FERMT1: variants seen among roughly 807,000 people sequenced by gnomAD.
FERMT1 encodes the protein FERM domain containing kindlin 1.
A neutral mutation model predicts 85.3 loss-of-function variants in FERMT1; 60 were observed. The observed-to-expected ratio is 0.70, with a 90% confidence interval of 0.57 to 0.87. The LOEUF is 0.87. Among genes scored for constraint, FERMT1 ranks in the 40% least tolerant of loss-of-function variants. The probability of loss-of-function intolerance (pLI) is 0.00; values close to 1 mark genes in which losing one functional copy is unlikely to be tolerated. For missense variants in FERMT1, 701 were observed against 818.9 expected, an observed-to-expected ratio of 0.86 and a Z score of 1.76; for synonymous variants, 275 against 301.1, an observed-to-expected ratio of 0.91 and a Z score of 0.90.
intron 3 of FERMT1, among the ~76,000 whole-genome samples, chr20:6,113,125 C>T (rs1983005134): frequency 6.6e-6 from 1 of 152,144 alleles, no homozygotes; most frequent in Non-Finnish European, 1.5e-5. Context: ...GTGCTGTTCT[C>T]ATGATAGTGA....
At position 6,115,690 on chromosome 20, in the gene FERMT1, G is replaced by T. The variant is rs11696536; in HGVS notation, c.385+121C>A. ...GCAATACCCAGAAGGGCTTAAACATGTGCTTCCTAATAGGTGAGTGTTCTG... is the reference window on the plus strand; with the variant it reads ...GCAATACCCAGAAGGGCTTAAACATTTGCTTCCTAATAGGTGAGTGTTCTG... On this transcript the variant is annotated intron_variant, in intron 3 of 14. Transcript: ENST00000217289. 73,334 of 790,768 alleles carry T rather than the reference G, an allele frequency of 0.093. 3,610 individuals are homozygous for T. The highest frequency in any genetic ancestry group is 0.14 in the African/African-American group (8,289 of 58,864). 49.0% of individuals were successfully genotyped at this position (790,768 alleles called of 1,614,324 possible). A position where few individuals can be genotyped will look rare whatever the true frequency, so the allele number is the denominator to read the frequency against.
At chr20:6,086,137 T>A (rs1313917966) in intron 11 of FERMT1, among the ~76,000 whole-genome samples, 1 of 144,102 alleles carries the variant, frequency 6.9e-6, no homozygotes, top group Non-Finnish European at 1.5e-5. Context: ...CGAGACTCCA[T>A]CTCAAAAAAA....
At chr20:6,119,674 G>A (rs917631226) in intron 1 of FERMT1, 102 bp from the exon 2 acceptor site, 51 of 928,326 alleles carry the variant, frequency 5.5e-5, no homozygotes, top group Non-Finnish European at 8.3e-5. Context: ...GTTTTTCATT[G>A]TAACCTCCTC....
chr20:6,077,259 A>G lies in FERMT1; in HGVS notation c.1948T>C (p.Tyr650His). The change falls in exon 15 of 15, where the codon TAC (tyrosine) becomes CAC (histidine). Residue 650 changes from tyrosine (Y) to histidine (H), a missense_variant. Tyr to His is a moderately conservative substitution (Grantham distance 83). Coordinates refer to ENST00000217289, the MANE Select transcript of FERMT1 (RefSeq NM_017671.5). The part of the protein sequence containing the change: ...CKIVHEYIGG[Y>H]IFLSTRSKDQ... Reference sequence around the variant, plus strand: ...TTGGAGCGGGTGGACAAGAAAATGTAGCCGCCAATGTACTCGTGCACAATC... The same window carrying G: ...TTGGAGCGGGTGGACAAGAAAATGTGGCCGCCAATGTACTCGTGCACAATC... 1 of 1,614,204 alleles carries G rather than the reference A, an allele frequency of 6.2e-7. No homozygotes were observed. Among genetic ancestry groups the G allele is most frequent in the Non-Finnish European group, 8.5e-7 (1 of 1,180,036 alleles).
rs1414049331 is a variant in FERMT1 at position 6,076,232 on chromosome 20, T to C, written c.*941A>G. 4 of 318,120 alleles carry C rather than the reference T, an allele frequency of 1.3e-5. No individual in the cohort carries two copies. The highest frequency in any genetic ancestry group is 6.2e-6 in the Non-Finnish European group (1 of 160,416). 19.7% of individuals were successfully genotyped at this position (318,120 alleles called of 1,614,324 possible). A position where few individuals can be genotyped will look rare whatever the true frequency, so the allele number is the denominator to read the frequency against. ...GTCAGACCTTGGACATGGTGGTCTT[T>C]GAGAATGGGTCTGCCCTTCTCTCCC... On this transcript the variant is annotated 3_prime_UTR_variant, in exon 15 of 15. Coordinates refer to ENST00000217289, the MANE Select transcript of FERMT1 (RefSeq NM_017671.5).
intron 8 of FERMT1, 102 bp downstream of exon 8, chr20:6,096,800 T>TTTAAAA: frequency 2.9e-6 from 3 of 1,027,304 alleles, no homozygotes; most frequent in South Asian, 2.8e-5. Flanking sequence ...TTTTTTTTTT[T>TTTAAAA]TCAAAATCAG....
chr20:6,118,589 A>G (rs1381387320), intron 2 of FERMT1, among the ~76,000 whole-genome samples: 3 of 152,250 alleles, frequency 2.0e-5, no homozygotes, highest in African/African-American at 7.2e-5. Flanking sequence ...AGAGCAAATG[A>G]AAAGCCCGCA....
intron 2 of FERMT1, among the ~76,000 whole-genome samples, chr20:6,118,024 C>T (rs1300769252): frequency 7.4e-6 from 1 of 135,004 alleles, no homozygotes; most frequent in Non-Finnish European, 1.6e-5. Flanking sequence ...TTTGGAAAAC[C>T]TTATGAATCA....
At position 6,075,170 on chromosome 20, in the gene FERMT1, T is replaced by G. The variant is rs1371136386; in HGVS notation, c.*2003A>C. On this transcript the variant is annotated 3_prime_UTR_variant, in exon 15 of 15. Coordinates refer to ENST00000217289, the MANE Select transcript of FERMT1 (RefSeq NM_017671.5). ...TTGGTTAAAACAAAGTTGGTTCCTT[T>G]GTTTTCATGGAAATGTCAGACAACT... The G allele has an allele frequency of 2.6e-5, 4 of 152,260 alleles. No individual in the cohort carries two copies. The highest frequency in any genetic ancestry group is 4.8e-5 in the African/African-American group (2 of 41,430). 9.4% of individuals were successfully genotyped at this position (152,260 alleles called of 1,614,324 possible). A position where few individuals can be genotyped will look rare whatever the true frequency, so the allele number is the denominator to read the frequency against.
At position 6,075,045 on chromosome 20, in the gene FERMT1, G is replaced by GT. The variant is rs139990090; in HGVS notation, c.*2127dup. 1.3e-3 allele frequency: 179 copies of GT among 133,236 alleles called. 4 individuals carry two copies. The highest frequency in any genetic ancestry group is 7.7e-3 in the East Asian group (37 of 4,794). The allele number at this position is 133,236 out of a possible 1,614,324, so 8.3% of individuals were successfully genotyped here. A position where few individuals can be genotyped will look rare whatever the true frequency, so the allele number is the denominator to read the frequency against. On this transcript the variant is annotated 3_prime_UTR_variant, in exon 15 of 15. Transcript: ENST00000217289. ...TGCTCTTTGGAACAGTAGCATTTAGGTTTGTTTTTTTTTTTTTTTGTCACA... is the reference window on the plus strand; with the variant it reads ...TGCTCTTTGGAACAGTAGCATTTAGGTTTTGTTTTTTTTTTTTTTTGTCACA...
chr20:6,112,962 C>CT, intron 3 of FERMT1, among the ~76,000 whole-genome samples: 1 of 152,338 alleles, frequency 6.6e-6, no homozygotes, highest in African/African-American at 2.4e-5. Context: ...TTATGCTATT[C>CT]TTGTTACCTA....
chr20:6,097,469 G>T, intron 7 of FERMT1, 55 bp downstream of exon 7: 1 of 1,252,840 alleles, frequency 8.0e-7, no homozygotes, highest in Non-Finnish European at 1.2e-6. Flanking sequence ...GAAACTTCAA[G>T]CAGAACAAAC....
Position 6,085,159 on chromosome 20 carries a change from A to C in FERMT1, c.1500T>G (p.Ser500=). The C allele has an allele frequency of 6.2e-7, 1 of 1,614,224 alleles. No individual in the cohort carries two copies. The highest frequency in any genetic ancestry group is 8.5e-7 in the Non-Finnish European group (1 of 1,180,030). Residue 500 remains serine, a synonymous_variant, in exon 12 of 15, where the codon TCT becomes TCG. Coordinates refer to ENST00000217289, the MANE Select transcript of FERMT1 (RefSeq NM_017671.5). ...LSFLRMKNRN[S]ASQVASSLEN... is the part of the protein sequence containing the mutation. ...CGAGACTGGAAGCCACCTGAGATGC[A>C]GAGTTCCTGTTTTTCATCCTCAGAA...
intron 9 of FERMT1, among the ~76,000 whole-genome samples, chr20:6,093,875 C>T (rs1284748350): frequency 6.6e-6 from 1 of 152,122 alleles, no homozygotes; most frequent in African/African-American, 2.4e-5. Flanking sequence ...AGAATTGCTT[C>T]AACCCAGGAG....
chr20:6,089,143 C>T lies in FERMT1; in HGVS notation c.1140-54G>A, dbSNP rs113748453. 1.4e-3 allele frequency: 2,260 copies of T among 1,577,024 alleles called. 21 individuals carry two copies. In the African/African-American group the frequency reaches 0.022, roughly 15 times the overall value. On this transcript the variant is annotated intron_variant, in intron 9 of 14. Coordinates refer to ENST00000217289, the MANE Select transcript of FERMT1 (RefSeq NM_017671.5). The stretch of plus-strand genomic sequence containing the variant: ...AACCACCACCCAGAAATGTGGAACA[C>T]GCTGCAGATTTCAAGCAGATCAGAT...
intron 3 of FERMT1, among the ~76,000 whole-genome samples, chr20:6,115,026 G>A (rs991153192): frequency 6.6e-6 from 1 of 152,106 alleles, no homozygotes; most frequent in Non-Finnish European, 1.5e-5. Flanking sequence ...GACACAGTAG[G>A]TGCTCAATAA....
At position 6,085,433 on chromosome 20, in the gene FERMT1, G is replaced by A. The variant is rs1404300266; in HGVS notation, c.1372-146C>T. 32 of 714,286 alleles carry A rather than the reference G, an allele frequency of 4.5e-5. 1 individual carries two copies. The East Asian group carries it at 8.6e-4, about 19-fold the overall frequency. 44.2% of individuals were successfully genotyped at this position (714,286 alleles called of 1,614,324 possible). A position where few individuals can be genotyped will look rare whatever the true frequency, so the allele number is the denominator to read the frequency against. On this transcript the variant is annotated intron_variant, in intron 11 of 14. Transcript: ENST00000217289. The stretch of plus-strand genomic sequence containing the variant: ...GAAGTGGCACACGTTGTGAGTGGCT[G>A]CTCATCAGCTAATGTAACACCTAAC...
chr20:6,096,877 C>A, intron 8 of FERMT1, 25 bp downstream of exon 8: 2 of 1,545,812 alleles, frequency 1.3e-6, no homozygotes, highest in South Asian at 1.1e-5. Context: ...AGCCACAGTT[C>A]TGGGTGATCA....
At chr20:6,087,741 G>C in intron 11 of FERMT1, 36 bp downstream of exon 11, 3 of 1,149,018 alleles carry the variant, frequency 2.6e-6, no homozygotes, top group Non-Finnish European at 4.0e-6. Flanking sequence ...GCTTAGTGGA[G>C]GTGAAGTGAC....
Sources: gnomAD v4.1 joint callset for allele counts (sites outside exome capture counted in the v4.1 genomes callset) on GRCh38, gnomAD v4.1.1 for gene constraint, MANE v1.5 for transcripts, NCBI Gene and HGNC (gene_info 2026-07-23, HGNC 2026-07-21) for gene names.